The following CCBE1 variants were observed in gnomAD, a reference collection of about 807,000 sequenced individuals.
The protein encoded by CCBE1 is collagen and calcium-binding EGF domain-containing protein 1.
Under a neutral mutation model 50.0 loss-of-function variants are expected in CCBE1, and 37 were observed. The ratio of observed to expected loss-of-function variants is 0.74; its 90% CI spans 0.57 to 0.97. The LOEUF is 0.97. Among genes scored for constraint, CCBE1 ranks in the 50% least tolerant of loss-of-function variants. The pLI, the probability that CCBE1 is intolerant of heterozygous loss-of-function variation, is 0.00. For missense variants in CCBE1, 538 were observed against 523.8 expected (o/e 1.03, Z -0.26); for synonymous variants, 234 against 203.7 (o/e 1.15, Z -1.27).
chr18:59,673,932 G>C (rs970965816), intron 2 of CCBE1, among the ~76,000 whole-genome samples: 1 of 152,096 alleles, frequency 6.6e-6, no homozygotes, highest in African/African-American at 2.4e-5. Context: ...GCCAGGTTTT[G>C]GTATCAGGAT....
At chr18:59,530,272 A>G (rs8097928) in intron 2 of CCBE1, among the ~76,000 whole-genome samples, 93,429 of 151,912 alleles carry the variant, frequency 0.62, 29,264 homozygotes, top group African/African-American at 0.7. Context: ...CAGCACTCAG[A>G]ACTTTCTGTT....
rs5825351 is a variant in CCBE1, at chr18:59,612,330, GA to G, written c.212+84298del. Among the ~76,000 whole-genome samples, 74 of 130,690 alleles carry G rather than the reference GA, an allele frequency of 5.7e-4. 1 individual carries two copies. The highest frequency in any genetic ancestry group is 1.5e-3 in the South Asian group (6 of 4,006). The allele number at this position is 130,690 out of a possible 152,430, so 85.7% of individuals were successfully genotyped here. A position where few individuals can be genotyped will look rare whatever the true frequency, so the allele number is the denominator to read the frequency against. On this transcript the variant is annotated intron_variant, in intron 2 of 10. Transcript: ENST00000439986. The stretch of plus-strand genomic sequence containing the variant: ...AGAAAAAAAAAGGGAAGAAAAAAAA[GA>G]AAAAAAAAAAAACAAACAATCCTCC...
Position 59,441,124 on chromosome 18 carries a change from A to T in CCBE1, c.776-1308T>A, listed in dbSNP as rs139355815. Among the ~76,000 whole-genome samples the T allele has an allele frequency of 3.3e-3, 499 of 152,360 alleles. 1 individual carries two copies. The highest frequency in any genetic ancestry group is 0.011 in the African/African-American group (477 of 41,582). On this transcript the variant is annotated intron_variant, in intron 7 of 10. Transcript: ENST00000439986. Reference sequence around the variant, plus strand: ...TGGCAGTGGCCTGACAAAAGAAGAGAGTACCCATCTCCAGGAGTGATAACC... The same window carrying T: ...TGGCAGTGGCCTGACAAAAGAAGAGTGTACCCATCTCCAGGAGTGATAACC...
chr18:59,470,602 T>A (rs1183520280), intron 3 of CCBE1, among the ~76,000 whole-genome samples: 1 of 152,112 alleles, frequency 6.6e-6, no homozygotes, highest in Middle Eastern at 3.2e-3. Context: ...CTGAGGTGGA[T>A]ACACTGCTAC....
At chr18:59,536,581 G>A (rs535706474) in intron 2 of CCBE1, among the ~76,000 whole-genome samples, 2 of 152,286 alleles carry the variant, frequency 1.3e-5, no homozygotes, top group Admixed American at 6.5e-5. Context: ...CAGGGGAACT[G>A]CAACTTGGCA....
intron 2 of CCBE1, among the ~76,000 whole-genome samples, chr18:59,592,709 G>GA (rs1413156369): frequency 6.6e-6 from 1 of 152,182 alleles, no homozygotes; most frequent in Non-Finnish European, 1.5e-5. Flanking sequence ...GTGGACAGGT[G>GA]AAAATATATT....
intron 2 of CCBE1, among the ~76,000 whole-genome samples, chr18:59,553,420 T>C (rs1915999644): frequency 6.6e-6 from 1 of 152,118 alleles, no homozygotes; most frequent in African/African-American, 2.4e-5. Context: ...CACACAACCA[T>C]TGAACTGGCC....
intron 2 of CCBE1, among the ~76,000 whole-genome samples, chr18:59,497,820 T>C (rs999883159): frequency 2.6e-5 from 4 of 152,188 alleles, no homozygotes; most frequent in Admixed American, 2.6e-4. Context: ...GCAACGCTCC[T>C]GCCCCTCCAG....
At chr18:59,626,768 C>A (rs2053790992) in intron 2 of CCBE1, among the ~76,000 whole-genome samples, 1 of 152,264 alleles carries the variant, frequency 6.6e-6, no homozygotes, top group South Asian at 2.1e-4. Flanking sequence ...TGGGAATTTA[C>A]TTATCACATC....
chr18:59,485,584 A>ATT (rs1912776913), intron 2 of CCBE1, among the ~76,000 whole-genome samples: 22 of 140,882 alleles, frequency 1.6e-4, no homozygotes, highest in Admixed American at 5.0e-4. Context: ...GATATATCAG[A>ATT]TATTTATTTA....
rs192498123 is a variant in CCBE1, at chr18:59,599,337, T to G, written c.212+97292A>C. ...ATTTAGAACTAATTTTAAAAGATAA[T>G]ATATATGCAAGCACTCAGTTGAGAA... On this transcript the variant is annotated intron_variant, in intron 2 of 10. Transcript: ENST00000439986. Among the ~76,000 whole-genome samples, 6 of 152,272 alleles carry G rather than the reference T, an allele frequency of 3.9e-5. No individual in the cohort carries two copies. The East Asian group carries it at 9.6e-4, about 24-fold the overall frequency.
At chr18:59,436,833 G>A (rs1362805493) in intron 10 of CCBE1, among the ~76,000 whole-genome samples, 1 of 152,106 alleles carries the variant, frequency 6.6e-6, no homozygotes, top group Non-Finnish European at 1.5e-5. Flanking sequence ...TTAGCCAGGT[G>A]TGGTGGTGGG....
At chr18:59,477,147 A>G (rs184908282) in intron 3 of CCBE1, among the ~76,000 whole-genome samples, 5 of 152,244 alleles carry the variant, frequency 3.3e-5, no homozygotes, top group South Asian at 2.1e-4. Flanking sequence ...TTATTGTTCT[A>G]GCTGGGGTGA....
intron 5 of CCBE1, among the ~76,000 whole-genome samples, chr18:59,466,250 T>C (rs8099578): frequency 0.96 from 146,307 of 152,082 alleles, 70,603 homozygotes; most frequent in East Asian, 1. Flanking sequence ...AATTGAATCA[T>C]GGGGGCAGGT....
intron 6 of CCBE1, among the ~76,000 whole-genome samples, chr18:59,450,467 A>G (rs1910879081): frequency 6.6e-6 from 1 of 152,150 alleles, no homozygotes; most frequent in African/African-American, 2.4e-5. Flanking sequence ...TCTAGAATTT[A>G]AACTTAGCCA....
chr18:59,554,187 A>G (rs1350961687), intron 2 of CCBE1, among the ~76,000 whole-genome samples: 2 of 152,078 alleles, frequency 1.3e-5, no homozygotes, highest in South Asian at 2.1e-4. Flanking sequence ...GAGTCTCGCT[A>G]TGTTTCCCAG....
At chr18:59,609,353 G>A (rs150500302) in intron 2 of CCBE1, among the ~76,000 whole-genome samples, 1 of 152,306 alleles carries the variant, frequency 6.6e-6, no homozygotes, top group African/African-American at 2.4e-5. Flanking sequence ...ATATATCACA[G>A]ATGTGTCAAA....
At chr18:59,474,475 T>C (rs1334330893) in intron 3 of CCBE1, among the ~76,000 whole-genome samples, 1 of 152,226 alleles carries the variant, frequency 6.6e-6, no homozygotes, top group African/African-American at 2.4e-5. Flanking sequence ...ACAGAAGACA[T>C]TTCCAAATCC....
rs528128946 is a variant in CCBE1, at chr18:59,433,860, G to T, written c.*2048C>A. ...GCCCGCCTCGGCCTCCCAAAGTGCT[G>T]GGATTACAGGCATGAGCCACCAAGC... On this transcript the variant is annotated 3_prime_UTR_variant, in exon 11 of 11. Transcript: ENST00000439986. The T allele has an allele frequency of 7.2e-6, 1 of 139,154 alleles. No homozygotes were observed. Among genetic ancestry groups the T allele is most frequent in the Non-Finnish European group, 1.5e-5 (1 of 66,258 alleles). The allele number at this position is 139,154 out of a possible 1,614,324, so 8.6% of individuals were successfully genotyped here. A position where few individuals can be genotyped will look rare whatever the true frequency, so the allele number is the denominator to read the frequency against.
Sources: gnomAD v4.1 joint callset for allele counts (sites outside exome capture counted in the v4.1 genomes callset) on GRCh38, gnomAD v4.1.1 for gene constraint, MANE v1.5 for transcripts, NCBI Gene and HGNC (gene_info 2026-07-23, HGNC 2026-07-21) for gene names.